The following MAZ variants were observed in gnomAD, a reference collection of about 807,000 sequenced individuals.
MAZ encodes the protein myc-associated zinc finger protein.
A neutral mutation model predicts 32.7 loss-of-function variants in MAZ; 4 were observed. The observed-to-expected ratio is 0.12, with a 90% CI of 0.06 to 0.28. MAZ has a LOEUF of 0.28. Among genes scored for constraint, MAZ ranks in the 10% least tolerant of loss-of-function variants. The pLI, the probability that MAZ is intolerant of heterozygous loss-of-function variation, is 1.00. For synonymous variants in MAZ, 510 were observed against 297.6 expected, an observed-to-expected ratio of 1.71 and a Z score of -7.35; for missense variants, 763 against 667.2, an observed-to-expected ratio of 1.14 and a Z score of -1.58.
Position 29,807,478 on chromosome 16 carries a change from G to A in MAZ, c.693G>A (p.Val231=). ...PSGAMKMPTM[V]PLSLLSVPQL... ...GTGCTATGAAGATGCCGACCATGGT[G>A]CCCCTGAGCCTCCTGAGCGTGCCCC... is the stretch of plus-strand genomic sequence containing the variant. Residue 231 remains valine, a synonymous_variant, in exon 2 of 5, where the codon GTG becomes GTA. Transcript: ENST00000322945. 1 of 1,612,294 alleles carries A rather than the reference G, an allele frequency of 6.2e-7. No individual in the cohort carries two copies. Among genetic ancestry groups the A allele is most frequent in the Non-Finnish European group, 8.5e-7 (1 of 1,179,706 alleles).
Position 29,807,186 on chromosome 16 carries a change from C to A in MAZ, c.401C>A (p.Pro134His). ...TAALKQPPAP[P>H]PPPPPVSAPA... is the part of the protein sequence containing the mutation. The stretch of plus-strand genomic sequence containing the variant: ...GCCCTGAAGCAGCCTCCGGCGCCCC[C>A]TCCGCCACCCCCGCCAGTGTCGGCG... Residue 134 changes from proline to histidine, a missense_variant, in exon 2 of 5, where the codon CCT becomes CAT. Coordinates refer to ENST00000322945, the MANE Select transcript of MAZ (RefSeq NM_002383.4). 2.6e-6 allele frequency: 3 copies of A among 1,154,882 alleles called. No homozygotes were observed. The highest frequency in any genetic ancestry group is 3.3e-6 in the Non-Finnish European group (3 of 921,990). The allele number at this position is 1,154,882 out of a possible 1,614,324, so 71.5% of individuals were successfully genotyped here. A position where few individuals can be genotyped will look rare whatever the true frequency, so the allele number is the denominator to read the frequency against.
chr16:29,809,893 G>A, intron 4 of MAZ, 184 bp from the exon 5 acceptor site: 1 of 1,127,892 alleles, frequency 8.9e-7, no homozygotes, highest in Non-Finnish European at 1.3e-6. Flanking sequence ...GAGACTTCTG[G>A]GCACAGGGAG....
rs745519344 is a variant in MAZ, at chr16:29,807,555, C to G, written c.770C>G (p.Ala257Gly). ...GGAGAGGCGGGTGCCGGCGGCGGCG[C>G]TGCCGCAGTGGCCGCCGGTGGCGTG... Reference protein sequence around the residue: ...GGGEAGAGGGAAAVAAGGVVT... With the variant: ...GGGEAGAGGGGAAVAAGGVVT... The change falls in exon 2 of 5, where the codon GCT becomes GGT. Residue 257 changes from alanine to glycine, a missense_variant. Physicochemically the swap from Ala to Gly is moderately conservative, Grantham distance 60. Coordinates refer to ENST00000322945, the MANE Select transcript of MAZ (RefSeq NM_002383.4). 1.2e-5 allele frequency: 20 copies of G among 1,602,530 alleles called. No individual in the cohort carries two copies. The highest frequency in any genetic ancestry group is 1.7e-5 in the Non-Finnish European group (20 of 1,175,660).
chr16:29,807,791 C>G lies in MAZ; in HGVS notation c.1006C>G (p.Pro336Ala). 2 of 1,611,108 alleles carry G rather than the reference C, an allele frequency of 1.2e-6. No individual in the cohort carries two copies. Among genetic ancestry groups the G allele is most frequent in the Non-Finnish European group, 1.7e-6 (2 of 1,179,908 alleles). The change falls in exon 2 of 5, where the codon CCC becomes GCC. Residue 336 changes from proline (P) to alanine (A), a missense_variant. Transcript: ENST00000322945. The part of the protein sequence containing the change: ...VRSHDGAVHK[P>A]YNCSHCGKSF... ...CTCACATGACGGCGCTGTGCACAAG[C>G]CCTACAACTGCTCCCACTGTGGCAA...
At position 29,810,121 on chromosome 16, in the gene MAZ, G is replaced by A. The variant is rs768682223; in HGVS notation, c.1324G>A (p.Ala442Thr). The change falls in exon 5 of 5, where the codon GCA becomes ACA. Residue 442 changes from alanine (A) to threonine (T), a missense_variant. Coordinates refer to ENST00000322945, the MANE Select transcript of MAZ (RefSeq NM_002383.4). ...AATGGCGGCGGCAGCGGCAGCGGCG[G>A]CAGCGGCAGCAGCGGCAGCAGTAGC... ...CPMAAAAAAA[A>T]AAAAAAVAAP... 2 of 1,604,572 alleles carry A rather than the reference G, an allele frequency of 1.2e-6. No homozygotes were observed. Among genetic ancestry groups the A allele is most frequent in the South Asian group, 2.2e-5 (2 of 90,692 alleles).
Position 29,810,455 on chromosome 16 carries a change from C to A in MAZ, c.*224C>A. The A allele has an allele frequency of 1.4e-6, 1 of 714,426 alleles. No homozygotes were observed. The highest frequency in any genetic ancestry group is 2.5e-6 in the Non-Finnish European group (1 of 395,822). The allele number at this position is 714,426 out of a possible 1,614,324, so 44.3% of individuals were successfully genotyped here. ...CTGACCCCACACAAACCTGTCCCCT[C>A]GGTTGTGTTGAAGTCCCCTGGACAG... On this transcript the variant is annotated 3_prime_UTR_variant, in exon 5 of 5. Coordinates refer to ENST00000322945, the MANE Select transcript of MAZ (RefSeq NM_002383.4).
chr16:29,810,075 A>G lies in MAZ; in HGVS notation c.1280-2A>G. The stretch of plus-strand genomic sequence containing the variant: ...GTGATCCGTGGTGTTTCTCCTGTGC[A>G]GGTACTGGTGAGGTTTGTCCAATGG... On this transcript the variant is annotated splice_acceptor_variant, in intron 4 of 4. Transcript: ENST00000322945. LOFTEE classifies it high-confidence loss of function. The G allele has an allele frequency of 6.2e-7, 1 of 1,607,882 alleles. No individual in the cohort carries two copies. The highest frequency in any genetic ancestry group is 8.5e-7 in the Non-Finnish European group (1 of 1,176,992).
intron 2 of MAZ, 26 bp from the exon 3 acceptor site, chr16:29,808,204 T>TAACCCC (rs757163253): frequency 6.8e-6 from 11 of 1,610,298 alleles, no homozygotes; most frequent in Middle Eastern, 1.6e-4. Context: ...ACCTCCGCCC[T>TAACCCC]AACCCCAACC....
In MAZ at chr16:29,807,702, C is replaced by T. The variant is rs1899603563; in HGVS notation, c.917C>T (p.Pro306Leu). Residue 306 changes from proline to leucine, a missense_variant, in exon 2 of 5, where the codon CCC (proline) becomes CTC (leucine). By Grantham distance (98) the Pro-to-Leu change is moderately conservative (BLOSUM62 -3). Coordinates refer to ENST00000322945, the MANE Select transcript of MAZ (RefSeq NM_002383.4). ...RHKLSHSDEK[P>L]YQCPVCQQRF... ...AAGCTGTCGCACTCGGACGAGAAGC[C>T]CTACCAGTGCCCGGTGTGCCAGCAG... 1 of 1,612,932 alleles carries T rather than the reference C, an allele frequency of 6.2e-7. No homozygotes were observed. Among genetic ancestry groups the T allele is most frequent in the Non-Finnish European group, 8.5e-7 (1 of 1,179,988 alleles).
At chr16:29,808,488 T>C in intron 3 of MAZ, 82 bp from the exon 4 acceptor site, 2 of 1,079,502 alleles carry the variant, frequency 1.9e-6, no homozygotes, top group Admixed American at 2.1e-5. Context: ...CTCTGATTCC[T>C]TTAATCTCTT....
rs1477284061 is a variant in MAZ at position 29,810,173 on chromosome 16, T to A, written c.1376T>A (p.Leu459His). Residue 459 changes from leucine (L) to histidine (H), a missense_variant, in exon 5 of 5, where the codon CTC (leucine) becomes CAC (histidine). Physicochemically the swap from Leu to His is moderately conservative, Grantham distance 99. Coordinates refer to ENST00000322945, the MANE Select transcript of MAZ (RefSeq NM_002383.4). The stretch of plus-strand genomic sequence containing the variant: ...GCCCCTCCCACAGCTGTGGGCTCCC[T>A]CTCGGGGGCGGAGGGGGTGCCTGTG... ...VAAPPTAVGS[L>H]SGAEGVPVSS... The A allele has an allele frequency of 4.3e-6, 7 of 1,609,550 alleles. No individual in the cohort carries two copies. Among genetic ancestry groups the A allele is most frequent in the Non-Finnish European group, 5.1e-6 (6 of 1,178,334 alleles).
intron 4 of MAZ, chr16:29,809,611 C>T (rs369815478): frequency 5.0e-6 from 8 of 1,611,830 alleles, no homozygotes; most frequent in African/African-American, 1.3e-5. Flanking sequence ...GCGGGCTGAC[C>T]GCATCCTGTG....
chr16:29,808,796 G>C (rs2142402896), intron 4 of MAZ, 55 bp downstream of exon 4: 1 of 1,571,352 alleles, frequency 6.4e-7, no homozygotes. Flanking sequence ...CGCCTGGCCA[G>C]ACGCCTTGCC....
At chr16:29,808,480 C>T (rs538522730) in intron 3 of MAZ, 90 bp from the exon 4 acceptor site, 23 of 1,051,938 alleles carry the variant, frequency 2.2e-5, no homozygotes, top group Non-Finnish European at 3.0e-5. Context: ...CCCCAAGGCT[C>T]TGATTCCTTT....
At chr16:29,808,321 G>C (rs754951980) in intron 3 of MAZ, 28 bp downstream of exon 3, 5 of 1,606,344 alleles carry the variant, frequency 3.1e-6, no homozygotes, top group African/African-American at 2.7e-5. Flanking sequence ...TCCTGTCTTG[G>C]TTTTCATGAT....
Position 29,808,641 on chromosome 16 carries a change from A to T in MAZ, c.1179A>T (p.Pro393=). The T allele has an allele frequency of 1.2e-6, 2 of 1,613,746 alleles. No homozygotes were observed. The highest frequency in any genetic ancestry group is 2.2e-5 in the East Asian group (1 of 44,856). ...AHTVRHEEKV[P]CHVCGKMLSS... is the part of the protein sequence containing the mutation. ...CAGTACGACACGAGGAGAAAGTGCC[A>T]TGTCACGTGTGTGGCAAGATGCTGA... is the stretch of plus-strand genomic sequence containing the variant. Residue 393 remains proline, a synonymous_variant, in exon 4 of 5, where the codon CCA becomes CCT. Coordinates refer to ENST00000322945, the MANE Select transcript of MAZ (RefSeq NM_002383.4).
At chr16:29,806,174 C>T, upstream of MAZ, 2 of 1,159,448 alleles carry the variant, frequency 1.7e-6, no homozygotes, top group Non-Finnish European at 2.3e-6. Context: ...GCAGCTTCAT[C>T]TTCCAGGTAA....
intron 4 of MAZ, chr16:29,809,445 A>G (rs918925597): frequency 4.4e-5 from 35 of 795,570 alleles, no homozygotes; most frequent in Non-Finnish European, 6.6e-5. Flanking sequence ...GGACAGGGCC[A>G]TCTGAGGAGG....
At chr16:29,809,991 G>A in intron 4 of MAZ, 86 bp from the exon 5 acceptor site, 1 of 1,538,190 alleles carries the variant, frequency 6.5e-7, no homozygotes, top group Non-Finnish European at 8.7e-7. Flanking sequence ...TGTGTCCCAG[G>A]GGAAGCAGGC....
Sources: gnomAD v4.1 joint callset for allele counts on GRCh38, gnomAD v4.1.1 for gene constraint, MANE v1.5 for transcripts, NCBI Gene and HGNC (gene_info 2026-07-23, HGNC 2026-07-21) for gene names.